Variants in ARMCX4 observed in about 807,000 individuals in gnomAD.
ARMCX4 encodes the protein armadillo repeat-containing X-linked protein 4.
In ARMCX4, 3 loss-of-function variants were observed where a neutral mutation model predicts 34.7. The ratio of observed to expected loss-of-function variants is 0.09; its 90% CI spans 0.04 to 0.22. The LOEUF (loss-of-function observed/expected upper bound fraction) is 0.22, where lower values mean the gene tolerates loss of function less well. ARMCX4 is among the 10% of genes least tolerant of loss of function. The pLI is 1.00. For missense variants in ARMCX4, 1,448 were observed against 1,720.8 expected, an observed-to-expected ratio of 0.84 and a Z score of 2.81; for synonymous variants, 513 against 632.8, an observed-to-expected ratio of 0.81 and a Z score of 2.84.
intron 4 of ARMCX4, among the ~76,000 whole-genome samples, chrX:101,458,699 C>T (rs1233286038): frequency 2.7e-5 from 3 of 110,350 alleles, no homozygotes; most frequent in African/African-American, 9.9e-5. Flanking sequence ...GTTGGCCAGG[C>T]TGGTCTCGAA....
At chrX:101,477,617 C>T (rs782336992) in intron 4 of ARMCX4, among the ~76,000 whole-genome samples, 3 of 109,041 alleles carry the variant, frequency 2.8e-5, no homozygotes, top group East Asian at 2.8e-4. Context: ...AACTTCCTAA[C>T]GCATTTCATA....
In ARMCX4 at chrX:101,487,603, C is replaced by A; in HGVS notation, c.-286-5C>A. ...ATTACCTACTGTTTGTTTACTTGTC[C>A]ATAGATCTGCCTGCATGTCTGCTGC... On this transcript the variant is annotated splice_region_variant and splice_polypyrimidine_tract_variant and intron_variant, in intron 3 of 5. Coordinates refer to ENST00000423738, the MANE Select transcript of ARMCX4 (RefSeq NM_001256155.3). The A allele has an allele frequency of 2.1e-6, 2 of 947,091 alleles. No homozygotes were observed. The highest frequency in any genetic ancestry group is 2.7e-6 in the Non-Finnish European group (2 of 735,324). The allele number at this position is 947,091 out of a possible 1,213,427, so 78.1% of individuals were successfully genotyped here.
intron 4 of ARMCX4, among the ~76,000 whole-genome samples, chrX:101,460,855 A>G (rs1932577507): frequency 9.0e-6 from 1 of 111,470 alleles, no homozygotes; most frequent in African/African-American, 3.3e-5. Context: ...TCAATGAGCC[A>G]TGCCTCCTAG....
chrX:101,430,695 CT>C (rs781992498), intron 2 of ARMCX4, among the ~76,000 whole-genome samples: 1 of 112,328 alleles, frequency 8.9e-6, no homozygotes, highest in South Asian at 3.7e-4. Flanking sequence ...CCAGACAAGG[CT>C]TTAACCAAAC....
chrX:101,510,886 G>A (rs1934565807), intron 10 of ARMCX4: 1 of 111,603 alleles, frequency 9.0e-6, no homozygotes, highest in Non-Finnish European at 1.9e-5. Flanking sequence ...TTAGTTGTGT[G>A]TGGTTTGAGA....
downstream of ARMCX4, among the ~76,000 whole-genome samples, chrX:101,534,436 A>G (rs1556022995): frequency 9.0e-6 from 1 of 111,284 alleles, no homozygotes; most frequent in Non-Finnish European, 1.9e-5. Flanking sequence ...GATAAAAAAG[A>G]TGAGTTATGA....
At chrX:101,496,592 A>G (rs1270323651), downstream of ARMCX4, among the ~76,000 whole-genome samples, 1 of 111,970 alleles carries the variant, frequency 8.9e-6, no homozygotes, top group African/African-American at 3.2e-5. Context: ...GTAAGTAAAC[A>G]GTTACAACTT....
intron 11 of ARMCX4, among the ~76,000 whole-genome samples, chrX:101,527,319 A>C (rs1603229749): frequency 1.8e-5 from 2 of 112,100 alleles, no homozygotes; most frequent in African/African-American, 3.2e-5. Flanking sequence ...AATCTCTGGG[A>C]CGCATTTAAG....
chrX:101,530,163 G>T (rs1935092667), intron 11 of ARMCX4, among the ~76,000 whole-genome samples: 1 of 112,015 alleles, frequency 8.9e-6, no homozygotes, highest in African/African-American at 3.2e-5. Context: ...CATAAAAAAG[G>T]ATTAGTTCAT....
intron 11 of ARMCX4, among the ~76,000 whole-genome samples, chrX:101,513,484 T>A (rs781820347): frequency 8.9e-6 from 1 of 112,211 alleles, no homozygotes; most frequent in East Asian, 2.8e-4. Flanking sequence ...TGATATCCTG[T>A]AACTTAAATG....
At chrX:101,534,725 T>C (rs1315231604), downstream of ARMCX4, among the ~76,000 whole-genome samples, 2 of 110,952 alleles carry the variant, frequency 1.8e-5, no homozygotes, top group Admixed American at 9.6e-5. Flanking sequence ...AGTAGTATTC[T>C]ACATGACAAA....
intron 4 of ARMCX4, among the ~76,000 whole-genome samples, chrX:101,463,662 A>T (rs1040268453): frequency 1.8e-5 from 2 of 112,069 alleles, no homozygotes; most frequent in Non-Finnish European, 3.8e-5. Context: ...GATAATGAAC[A>T]GTATTATTTT....
intron 7 of ARMCX4, among the ~76,000 whole-genome samples, chrX:101,502,021 G>A (rs782281031): frequency 1.8e-5 from 2 of 112,387 alleles, no homozygotes; most frequent in East Asian, 5.6e-4. Context: ...TGGGGAAATC[G>A]CAACTTAGCT....
In ARMCX4 at chrX:101,486,107, A is replaced by G; in HGVS notation, c.-367+15A>G. ...GGATCAAGGAGGTTAGTGTGAGTAC[A>G]GACACTATCTAAACCATTGGAGTTC... On this transcript the variant is annotated intron_variant, in intron 2 of 5. Transcript: ENST00000423738. 1 of 111,466 alleles carries G rather than the reference A, an allele frequency of 9.0e-6. No individual in the cohort carries two copies. The highest frequency in any genetic ancestry group is 9.5e-5 in the Admixed American group (1 of 10,474). The allele number at this position is 111,466 out of a possible 1,213,427, so 9.2% of individuals were successfully genotyped here.
chrX:101,428,347 A>G (rs1555991332), intron 2 of ARMCX4, among the ~76,000 whole-genome samples: 1 of 112,424 alleles, frequency 8.9e-6, no homozygotes, highest in African/African-American at 3.2e-5. Context: ...ATACATTTTC[A>G]GTACTCAGAT....
Position 101,493,894 on chromosome X carries a change from T to A in ARMCX4, c.5305T>A (p.Ser1769Thr), listed in dbSNP as rs187480982. Residue 1769 changes from serine to threonine, a missense_variant, in exon 6 of 6, where the codon TCC becomes ACC. Around this residue, in one of 2 missense-constraint regions of ARMCX4, gnomAD observed 1,343 missense variants for 1,540.7 expected, o/e 0.87. Coordinates refer to ENST00000423738, the MANE Select transcript of ARMCX4 (RefSeq NM_001256155.3). Reference sequence around the variant, plus strand: ...TGATAAAGATGAGGCCACTACTGCATCCAGATCAGGGGCTGGGGAAGAGGC... The same window carrying A: ...TGATAAAGATGAGGCCACTACTGCAACCAGATCAGGGGCTGGGGAAGAGGC... ...PDDKDEATTASRSGAGEEAMI... is the reference protein window; with the variant it reads ...PDDKDEATTATRSGAGEEAMI... 56 of 1,147,034 alleles carry A rather than the reference T, an allele frequency of 4.9e-5. No homozygotes were observed. The highest frequency in any genetic ancestry group is 6.1e-5 in the Non-Finnish European group (53 of 870,236). 94.5% of individuals were successfully genotyped at this position (1,147,034 alleles called of 1,213,427 possible).
In ARMCX4 at chrX:101,487,604, A is replaced by G; in HGVS notation, c.-286-4A>G. The G allele has an allele frequency of 1.1e-6, 1 of 952,099 alleles. No homozygotes were observed. Among genetic ancestry groups the G allele is most frequent in the Non-Finnish European group, 1.4e-6 (1 of 739,402 alleles). The allele number at this position is 952,099 out of a possible 1,213,427, so 78.5% of individuals were successfully genotyped here. A position where few individuals can be genotyped will look rare whatever the true frequency, so the allele number is the denominator to read the frequency against. On this transcript the variant is annotated splice_region_variant and splice_polypyrimidine_tract_variant and intron_variant, in intron 3 of 5. Coordinates refer to ENST00000423738, the MANE Select transcript of ARMCX4 (RefSeq NM_001256155.3). ...TTACCTACTGTTTGTTTACTTGTCC[A>G]TAGATCTGCCTGCATGTCTGCTGCA...
At chrX:101,425,554 C>T (rs1385804602) in intron 2 of ARMCX4, among the ~76,000 whole-genome samples, 2 of 109,494 alleles carry the variant, frequency 1.8e-5, no homozygotes, top group African/African-American at 3.3e-5. Flanking sequence ...CCACCATGCC[C>T]GACTAATTTT....
At chrX:101,487,750 G>A (rs1379437346) in intron 4 of ARMCX4, 59 bp downstream of exon 4, 12 of 601,498 alleles carry the variant, frequency 2.0e-5, no homozygotes, top group African/African-American at 4.7e-5. Flanking sequence ...AGACCAGTGT[G>A]CATCCAGTAA....
Sources: gnomAD v4.1 joint callset for allele counts (sites outside exome capture counted in the v4.1 genomes callset) on GRCh38, gnomAD v4.1.1 for gene constraint, gnomAD v4.1.1 regional missense constraint, MANE v1.5 for transcripts, NCBI Gene and HGNC (gene_info 2026-07-23, HGNC 2026-07-21) for gene names.